MYCBP2: variants seen among roughly 807,000 people sequenced by gnomAD.
MYCBP2 encodes the protein MYC binding protein 2, also known as E3 ubiquitin-protein ligase MYCBP2.
In MYCBP2, 120 loss-of-function variants were observed where a neutral mutation model predicts 525.3. The ratio of observed to expected loss-of-function variants is 0.23; its 90% CI spans 0.20 to 0.27. The LOEUF is 0.27. Among genes scored for constraint, MYCBP2 ranks in the 10% least tolerant of loss-of-function variants. MYCBP2 has a pLI of 1.00. For missense variants in MYCBP2, 4,149 were observed against 5,657.1 expected, an observed-to-expected ratio of 0.73 and a Z score of 8.55; for synonymous variants, 1,894 against 1,955.8, an observed-to-expected ratio of 0.97 and a Z score of 0.83.
chr13:77,147,075 C>T (rs1257425537), intron 47 of MYCBP2, among the ~76,000 whole-genome samples: 1 of 152,002 alleles, frequency 6.6e-6, no homozygotes, highest in African/African-American at 2.4e-5. Flanking sequence ...GGCTGAACCT[C>T]AAAAACAACA....
Position 77,045,004 on chromosome 13 carries a change from C to T in MYCBP2, c.*374G>A, listed in dbSNP as rs1406279029. 5.0e-6 allele frequency: 2 copies of T among 404,012 alleles called. No homozygotes were observed. Among genetic ancestry groups the T allele is most frequent in the African/African-American group, 2.1e-5 (1 of 48,582 alleles). 25.0% of individuals were successfully genotyped at this position (404,012 alleles called of 1,614,324 possible). A position where few individuals can be genotyped will look rare whatever the true frequency, so the allele number is the denominator to read the frequency against. Reference sequence around the variant, plus strand: ...TACAGGATTACAAAAAGGCAGTATACAATAAACAATGATTATTTTTCTTTT... The same window carrying T: ...TACAGGATTACAAAAAGGCAGTATATAATAAACAATGATTATTTTTCTTTT... On this transcript the variant is annotated 3_prime_UTR_variant, in exon 83 of 83. Coordinates refer to ENST00000544440, the MANE Select transcript of MYCBP2 (RefSeq NM_015057.5).
intron 18 of MYCBP2, among the ~76,000 whole-genome samples, chr13:77,231,970 ATAAAG>A (rs1352009969): frequency 6.6e-5 from 10 of 152,236 alleles, no homozygotes; most frequent in African/African-American, 1.4e-4. Context: ...CACTCAGTAA[ATAAAG>A]TAATCACAAA....
rs71102727 is a variant in MYCBP2, at chr13:77,245,744, AACACACACAC to A, written c.2382-1803_2382-1794del. 2.1e-3 allele frequency among the ~76,000 whole-genome samples: 299 copies of A among 143,104 alleles called. 4 individuals are homozygous for A. Among genetic ancestry groups the A allele is most frequent in the South Asian group, 7.0e-3 (30 of 4,294 alleles). 93.9% of individuals were successfully genotyped at this position (143,104 alleles called of 152,430 possible). ...GCACATGTATCCCAGAACGTAAAGT[AACACACACAC>A]ACACACACACACACACACACACACA... On this transcript the variant is annotated intron_variant, in intron 15 of 82. Transcript: ENST00000544440.
intron 18 of MYCBP2, among the ~76,000 whole-genome samples, chr13:77,228,854 G>T (rs1211126563): frequency 6.6e-6 from 1 of 151,628 alleles, no homozygotes; most frequent in South Asian, 2.1e-4. Context: ...GAAAAAAGAG[G>T]GTTCAGTATC....
chr13:77,185,382 G>C lies in MYCBP2; in HGVS notation c.4445-5C>G. 1.2e-6 allele frequency: 2 copies of C among 1,605,340 alleles called. No individual in the cohort carries two copies. Among genetic ancestry groups the C allele is most frequent in the Non-Finnish European group, 1.7e-6 (2 of 1,174,990 alleles). On this transcript the variant is annotated splice_region_variant and splice_polypyrimidine_tract_variant and intron_variant, in intron 31 of 82. Transcript: ENST00000544440. ...CTACAACTGCTTTTCCTGTAGCTTT[G>C]AGGGGGAAAAAGCAGATTGGTAATT...
chr13:77,294,109 T>TATATATATATATATATATATATATAC lies in MYCBP2; in HGVS notation c.378+2489_378+2490insGTATATATATATATATATATATATAT, dbSNP rs1421433401. ...CCATAAAGTAGATATAATGGCTATA[T>TATATATATATATATATATATATATAC]ATATATATATATATATATATACATA... On this transcript the variant is annotated intron_variant, in intron 2 of 82. Transcript: ENST00000544440. Among the ~76,000 whole-genome samples the TATATATATATATATATATATATATAC allele has an allele frequency of 2.8e-3, 147 of 52,394 alleles. 2 individuals are homozygous for TATATATATATATATATATATATATAC. Among genetic ancestry groups the TATATATATATATATATATATATATAC allele is most frequent in the Middle Eastern group, 0.013 (1 of 80 alleles). The allele number at this position is 52,394 out of a possible 152,430, so 34.4% of individuals were successfully genotyped here. A position where few individuals can be genotyped will look rare whatever the true frequency, so the allele number is the denominator to read the frequency against.
chr13:77,201,479 A>C (rs1008776641), intron 26 of MYCBP2, among the ~76,000 whole-genome samples: 2 of 152,216 alleles, frequency 1.3e-5, no homozygotes, highest in African/African-American at 4.8e-5. Context: ...CATCAGACAG[A>C]TCAACAAGAC....
chr13:77,261,998 T>A (rs11149063), intron 11 of MYCBP2, 55 bp downstream of exon 11: 1 of 1,382,650 alleles, frequency 7.2e-7, no homozygotes, highest in Admixed American at 1.7e-5. Flanking sequence ...ACAGATTGTA[T>A]TTTAATCTCT....
intron 52 of MYCBP2, among the ~76,000 whole-genome samples, chr13:77,131,698 T>C (rs949337480): frequency 2.0e-5 from 3 of 152,186 alleles, no homozygotes; most frequent in African/African-American, 7.2e-5. Context: ...ACAGCTTGTG[T>C]GTGCATGTGT....
chr13:77,100,510 A>G (rs1344134246), intron 55 of MYCBP2: 8 of 152,030 alleles, frequency 5.3e-5, no homozygotes, highest in Non-Finnish European at 1.2e-4. Flanking sequence ...ACTTTTTACA[A>G]TTAAGGCTCC....
At position 77,098,645 on chromosome 13, in the gene MYCBP2, C is replaced by A. The variant is rs781231865; in HGVS notation, c.8509G>T (p.Ala2837Ser). Residue 2837 changes from alanine (A) to serine (S), a missense_variant, in exon 56 of 83, where the codon GCT becomes TCT. Around this residue, in one of 21 missense-constraint regions of MYCBP2, gnomAD observed 653 missense variants for 744.7 expected, o/e 0.88. Transcript: ENST00000544440. ...GGTGAGGAGGAGCGTGGAGAACTAG[C>A]ACCCGATGGGCTAGACCTATTGGCT... is the stretch of plus-strand genomic sequence containing the variant. ...LPANRSSPSGASSPRSSSPHD... is the reference protein window; with the variant it reads ...LPANRSSPSGSSSPRSSSPHD... 1.9e-6 allele frequency: 3 copies of A among 1,613,554 alleles called. No homozygotes were observed. In the Admixed American group the frequency reaches 5.0e-5, roughly 27 times the overall value.
Position 77,211,988 on chromosome 13 carries a change from G to A in MYCBP2, c.3230C>T (p.Thr1077Ile), listed in dbSNP as rs749616205. 20 of 1,614,006 alleles carry A rather than the reference G, an allele frequency of 1.2e-5. No individual in the cohort carries two copies. The highest frequency in any genetic ancestry group is 1.5e-5 in the Non-Finnish European group (18 of 1,179,910). ...EALINSHVLA[T>I]SEIFASKHII... The stretch of plus-strand genomic sequence containing the variant: ...GTGTTTACTGGCAAAAATTTCTGAT[G>A]TAGCAAGTACATGAGAATTAATAAG... The change falls in exon 22 of 83, where the codon ACA (threonine) becomes ATA (isoleucine). Residue 1077 changes from threonine to isoleucine, a missense_variant. Thr to Ile is a moderately conservative substitution (Grantham distance 89). Coordinates refer to ENST00000544440, the MANE Select transcript of MYCBP2 (RefSeq NM_015057.5).
At chr13:77,319,012 CAG>C (rs2081283182) in intron 1 of MYCBP2, among the ~76,000 whole-genome samples, 1 of 152,178 alleles carries the variant, frequency 6.6e-6, no homozygotes, top group Non-Finnish European at 1.5e-5. Flanking sequence ...TAATTTGTGA[CAG>C]ATATTGCTGT....
chr13:77,191,779 G>A lies in MYCBP2; in HGVS notation c.3970C>T (p.Leu1324Phe). 1 of 1,614,032 alleles carries A rather than the reference G, an allele frequency of 6.2e-7. No homozygotes were observed. Reference sequence around the variant, plus strand: ...ACATACCACCACCCAGCTTGCAGGAGAACAGGCTCATCAAACATCATTGCA... The same window carrying A: ...ACATACCACCACCCAGCTTGCAGGAAAACAGGCTCATCAAACATCATTGCA... Reference protein sequence around the residue: ...KYAMMFDEPVLLQAGWWYVAW... With the variant: ...KYAMMFDEPVFLQAGWWYVAW... Residue 1324 changes from leucine to phenylalanine, a missense_variant, in exon 28 of 83, where the codon CTC (leucine) becomes TTC (phenylalanine). Transcript: ENST00000544440.
At chr13:77,285,839 G>C (rs1179727474) in intron 3 of MYCBP2, among the ~76,000 whole-genome samples, 1 of 145,068 alleles carries the variant, frequency 6.9e-6, no homozygotes, top group Admixed American at 6.9e-5. Flanking sequence ...AAAGGGAAAA[G>C]AAAAAAGGAG....
Position 77,087,474 on chromosome 13 carries a change from T to C in MYCBP2, c.10875+10A>G. The C allele has an allele frequency of 1.3e-6, 2 of 1,599,296 alleles. No individual in the cohort carries two copies. Among genetic ancestry groups the C allele is most frequent in the Non-Finnish European group, 1.7e-6 (2 of 1,171,006 alleles). ...AAAATATGCACAATCAAAACAAAAA[T>C]TTCATTTACTTGTTCTGAATTTTCT... On this transcript the variant is annotated intron_variant, in intron 62 of 82. Transcript: ENST00000544440.
chr13:77,171,046 AAG>A (rs2059093517), intron 38 of MYCBP2, among the ~76,000 whole-genome samples: 1 of 152,230 alleles, frequency 6.6e-6, no homozygotes, highest in Non-Finnish European at 1.5e-5. Flanking sequence ...GAAGAAGTGA[AAG>A]AGAGGAGAAT....
chr13:77,154,401 G>C (rs2056947979), intron 46 of MYCBP2, among the ~76,000 whole-genome samples: 1 of 149,632 alleles, frequency 6.7e-6, no homozygotes, highest in African/African-American at 2.5e-5. Context: ...GGAAAGAGGA[G>C]AGGGAAGAAG....
chr13:77,099,181 A>G (rs779543902), intron 55 of MYCBP2, 168 bp from the exon 56 acceptor site: 7 of 935,184 alleles, frequency 7.5e-6, no homozygotes, highest in Non-Finnish European at 1.1e-5. Flanking sequence ...ATTTCTAATA[A>G]AATTTCTACA....
Sources: allele counts gnomAD v4.1 joint callset (sites outside exome capture counted in the v4.1 genomes callset), GRCh38; gene constraint gnomAD v4.1.1; regional missense constraint gnomAD v4.1.1; transcripts MANE v1.5; gene names NCBI Gene and HGNC (gene_info 2026-07-23, HGNC 2026-07-21).